DTNA: variants seen among roughly 807,000 people sequenced by gnomAD.
DTNA encodes dystrophin-related protein 3.
DTNA carries 43 observed loss-of-function variants against 100.7 expected under a neutral mutation model. That is an observed-to-expected ratio of 0.43 (90% CI 0.33 to 0.55). DTNA has a LOEUF of 0.55. DTNA is among the 20% of genes least tolerant of loss of function. DTNA has a pLI of 0.04. For missense variants in DTNA, 798 were observed against 953.9 expected (o/e 0.84, Z 2.15); for synonymous variants, 349 against 347.9 (o/e 1.00, Z -0.04).
chr18:34,856,427 G>A (rs768994128), intron 15 of DTNA, among the ~76,000 whole-genome samples: 51 of 152,234 alleles, frequency 3.4e-4, no homozygotes, highest in Non-Finnish European at 5.6e-4. Flanking sequence ...TTTCAGCAAT[G>A]ATCTTTAGAA....
chr18:34,659,633 G>GAC (rs58171317), intron 1 of DTNA, among the ~76,000 whole-genome samples: 3,281 of 146,948 alleles, frequency 0.022, 82 homozygotes, highest in African/African-American at 0.071. Flanking sequence ...GACACACACA[G>GAC]ACACACACAC....
chr18:34,496,750 C>A (rs2039284550), intron 1 of DTNA, among the ~76,000 whole-genome samples: 2 of 152,142 alleles, frequency 1.3e-5, no homozygotes, highest in Admixed American at 1.3e-4. Flanking sequence ...ATGAGAATAT[C>A]TATTAAAGGA....
chr18:34,767,579 C>T (rs2093554400), intron 3 of DTNA: 1 of 152,160 alleles, frequency 6.6e-6, no homozygotes, highest in Non-Finnish European at 1.5e-5. Flanking sequence ...CAAGGGGCTG[C>T]CTCTGGTGAG....
chr18:34,743,283 AC>A (rs1039481883), intron 1 of DTNA, among the ~76,000 whole-genome samples: 12 of 151,636 alleles, frequency 7.9e-5, no homozygotes, highest in Non-Finnish European at 1.6e-4. Context: ...GGCTGCTCAT[AC>A]CCCCGCCTGT....
chr18:34,632,453 C>T (rs2058192011), intron 1 of DTNA, among the ~76,000 whole-genome samples: 1 of 152,144 alleles, frequency 6.6e-6, no homozygotes, highest in Non-Finnish European at 1.5e-5. Context: ...GGCATGGTGC[C>T]TTATTTAACA....
rs111970839 is a variant in DTNA, at chr18:34,816,971, T to G, written c.709+957T>G. Among the ~76,000 whole-genome samples the G allele has an allele frequency of 9.5e-4, 145 of 152,360 alleles. 1 individual carries two copies. The highest frequency in any genetic ancestry group is 3.3e-3 in the African/African-American group (136 of 41,584). On this transcript the variant is annotated intron_variant, in intron 7 of 22. Transcript: ENST00000444659. ...CTAACAATCATAGTTTTTTTATGTT[T>G]ATCCATATGCAGAAGCGAAGAGCAA... is the stretch of plus-strand genomic sequence containing the variant.
intron 1 of DTNA, among the ~76,000 whole-genome samples, chr18:34,517,460 C>CATGTGT (rs57616989): frequency 2.3e-4 from 34 of 148,992 alleles, no homozygotes; most frequent in Middle Eastern, 3.4e-3. Flanking sequence ...TTTATATACA[C>CATGTGT]GTGTGTGTGT....
At chr18:34,871,143 G>A (rs1413668027) in intron 17 of DTNA, among the ~76,000 whole-genome samples, 16 of 152,098 alleles carry the variant, frequency 1.1e-4, no homozygotes, top group Non-Finnish European at 4.4e-5. Flanking sequence ...GCGGGGAGGG[G>A]GATATATAAT....
At chr18:34,762,170 G>A (rs901530990) in intron 2 of DTNA, among the ~76,000 whole-genome samples, 14 of 152,084 alleles carry the variant, frequency 9.2e-5, no homozygotes, top group African/African-American at 3.4e-4. Context: ...CTTTTTAATA[G>A]ATAAATTAAG....
At chr18:34,735,078 A>G (rs1170391538) in intron 1 of DTNA, among the ~76,000 whole-genome samples, 1 of 152,048 alleles carries the variant, frequency 6.6e-6, no homozygotes, top group Non-Finnish European at 1.5e-5. Context: ...ATATATATAC[A>G]CACACACACA....
intron 1 of DTNA, among the ~76,000 whole-genome samples, chr18:34,500,530 C>G (rs1308878866): frequency 6.6e-6 from 1 of 151,510 alleles, no homozygotes; most frequent in African/African-American, 2.4e-5. Flanking sequence ...ATAGCACGAT[C>G]TATGCCCACT....
At chr18:34,866,263 G>T in intron 17 of DTNA, 5 of 1,576,700 alleles carry the variant, frequency 3.2e-6, no homozygotes, top group Admixed American at 1.8e-5. Context: ...ATACTAATTT[G>T]CTTCTTTTTC....
intron 3 of DTNA, among the ~76,000 whole-genome samples, chr18:34,788,568 T>TGG (rs2094590403): frequency 2.0e-5 from 3 of 152,190 alleles, no homozygotes; most frequent in Non-Finnish European, 2.9e-5. Context: ...TCCTGCACCT[T>TGG]CTGCACTATG....
rs567850050 is a variant in DTNA at position 34,580,684 on chromosome 18, TTTC to T, written c.-2+87176_-2+87178del. ...ATGTTTCTGGACCACGGAGGATCTCTTTCTTCTTTACACTCCAGCACCAAGCTT... is the reference window on the plus strand; with the variant it reads ...ATGTTTCTGGACCACGGAGGATCTCTTTCTTTACACTCCAGCACCAAGCTT... On this transcript the variant is annotated intron_variant, in intron 1 of 19. Coordinates refer to the DTNA transcript ENST00000283365. Among the ~76,000 whole-genome samples, 10 of 152,286 alleles carry T rather than the reference TTTC, an allele frequency of 6.6e-5. 1 individual carries two copies. In the South Asian group the frequency reaches 2.1e-3, roughly 32 times the overall value.
At chr18:34,549,714 T>A (rs748440949) in intron 1 of DTNA, among the ~76,000 whole-genome samples, 1 of 152,246 alleles carries the variant, frequency 6.6e-6, no homozygotes, top group South Asian at 2.1e-4. Flanking sequence ...TGCTGATTTT[T>A]TCTACTTTGT....
At chr18:34,838,264 G>C (rs1455935392) in intron 12 of DTNA, 93 bp downstream of exon 12, 4 of 1,381,492 alleles carry the variant, frequency 2.9e-6, no homozygotes, top group Non-Finnish European at 4.0e-6. Flanking sequence ...GTGAAAGACT[G>C]TCTTTGATTC....
At position 34,796,694 on chromosome 18, in the gene DTNA, A is replaced by G. The variant is rs948151819; in HGVS notation, c.362+2444A>G. Among the ~76,000 whole-genome samples the G allele has an allele frequency of 3.9e-5, 6 of 152,350 alleles. No homozygotes were observed. In the East Asian group the frequency reaches 5.8e-4, roughly 15 times the overall value. Reference sequence around the variant, plus strand: ...AAGAGTTGCTAAAAATAAATAAATAAAAAAGAAAGGCAGTATAGTGATTTA... The same window carrying G: ...AAGAGTTGCTAAAAATAAATAAATAGAAAAGAAAGGCAGTATAGTGATTTA... On this transcript the variant is annotated intron_variant, in intron 4 of 22. Transcript: ENST00000444659.
intron 5 of DTNA, among the ~76,000 whole-genome samples, chr18:34,807,884 A>G (rs2095404400): frequency 6.6e-6 from 1 of 151,024 alleles, no homozygotes; most frequent in African/African-American, 2.4e-5. Flanking sequence ...AAAAGAAAAA[A>G]AAAAAGCTTC....
At chr18:34,829,292 AG>A (rs1327784217) in intron 10 of DTNA, 107 bp from the exon 11 acceptor site, 2 of 1,520,618 alleles carry the variant, frequency 1.3e-6, no homozygotes, top group Non-Finnish European at 1.8e-6. Context: ...TTCTGTTTTG[AG>A]GGTGCTGTTC....
Sources: gnomAD v4.1 joint callset for allele counts (sites outside exome capture counted in the v4.1 genomes callset) on GRCh38, gnomAD v4.1.1 for gene constraint, MANE v1.5 for transcripts, NCBI Gene and HGNC (gene_info 2026-07-23, HGNC 2026-07-21) for gene names.